The following COLEC10 variants were observed in gnomAD, a reference collection of about 807,000 sequenced individuals.
COLEC10 encodes collectin-10.
COLEC10 carries 22 observed loss-of-function variants against 28.4 expected under a neutral mutation model. That is an observed-to-expected ratio of 0.78 (90% CI 0.55 to 1.11). The LOEUF (loss-of-function observed/expected upper bound fraction) is 1.11. Ranked by LOEUF, COLEC10 falls within the 50% of genes least tolerant of loss-of-function variation. COLEC10 has a pLI of 0.00. For missense variants in COLEC10, 361 were observed against 344.1 expected (o/e 1.05, Z -0.39); for synonymous variants, 125 against 116.1 (o/e 1.08, Z -0.49).
intron 2 of COLEC10, among the ~76,000 whole-genome samples, chr8:119,056,420 T>C (rs1814762493): frequency 6.6e-6 from 1 of 152,042 alleles, no homozygotes; most frequent in South Asian, 2.1e-4. Context: ...AACTTAACTG[T>C]CTTGTTTCAT....
chr8:118,958,342 G>T, the COLEC10 span, among the ~76,000 whole-genome samples: 2 of 152,198 alleles, frequency 1.3e-5, no homozygotes, highest in Non-Finnish European at 2.9e-5. Flanking sequence ...TGTGCTTTAG[G>T]TTCTTCTCTC....
At chr8:119,088,977 G>A (rs192047693) in intron 1 of COLEC10, among the ~76,000 whole-genome samples, 7 of 152,278 alleles carry the variant, frequency 4.6e-5, no homozygotes, top group Admixed American at 6.5e-5. Context: ...TCTCCAGATA[G>A]TGAGTGGTGG....
intron 1 of COLEC10, among the ~76,000 whole-genome samples, chr8:119,079,971 T>C (rs1815337775): frequency 6.6e-6 from 1 of 152,200 alleles, no homozygotes; most frequent in African/African-American, 2.4e-5. Flanking sequence ...TTAATTTCCT[T>C]ACATATTGTG....
the COLEC10 span, among the ~76,000 whole-genome samples, chr8:118,975,329 C>G: frequency 6.6e-6 from 1 of 151,990 alleles, no homozygotes; most frequent in Non-Finnish European, 1.5e-5. Context: ...AAAGTGCAAA[C>G]TTACACAGCA....
the COLEC10 span, among the ~76,000 whole-genome samples, chr8:118,955,068 A>G: frequency 7.5e-4 from 114 of 152,240 alleles, 1 homozygote; most frequent in Non-Finnish European, 2.9e-4. Context: ...TTGAAGAACA[A>G]GAACAAATTC....
At position 119,091,220 on chromosome 8, in the gene COLEC10, G is replaced by T; in HGVS notation, c.292G>T (p.Gly98Cys). 6.2e-7 allele frequency: 1 copy of T among 1,609,798 alleles called. No individual in the cohort carries two copies. Among genetic ancestry groups the T allele is most frequent in the Non-Finnish European group, 8.5e-7 (1 of 1,176,884 alleles). The stretch of plus-strand genomic sequence containing the variant: ...CAAGACTGGGCCCATTGGGAAGAAG[G>T]GTAAGTTGCATCTTACTATTCTCCA... ...IGKTGPIGKK[G>C]DKGEKGLLGI... The change falls in exon 3 of 6, where the codon GGT (glycine) becomes TGT (cysteine). Residue 98 changes from glycine (G) to cysteine (C), a missense_variant and splice_region_variant. Around this residue, in one of 3 missense-constraint regions of COLEC10, gnomAD observed 335 missense variants for 308.5 expected, o/e 1.09. Transcript: ENST00000332843.
At chr8:119,051,275 C>T (rs1013363760) in intron 2 of COLEC10, among the ~76,000 whole-genome samples, 3 of 152,130 alleles carry the variant, frequency 2.0e-5, no homozygotes, top group Non-Finnish European at 4.4e-5. Flanking sequence ...ATTTGGATTA[C>T]AACTAACTTC....
upstream of COLEC10, among the ~76,000 whole-genome samples, chr8:118,994,459 T>G (rs1296237633): frequency 5.9e-5 from 9 of 152,238 alleles, no homozygotes; most frequent in Non-Finnish European, 1.0e-4. Flanking sequence ...ATAATACTAA[T>G]AGTGTTTACT....
At chr8:119,018,229 C>T (rs1267445333) in intron 2 of COLEC10, among the ~76,000 whole-genome samples, 1 of 152,172 alleles carries the variant, frequency 6.6e-6, no homozygotes, top group Admixed American at 6.5e-5. Context: ...TCTTTCGCCC[C>T]TAGGGTCACT....
At chr8:119,074,008 G>T (rs77455499) in intron 1 of COLEC10, among the ~76,000 whole-genome samples, 3 of 150,444 alleles carry the variant, frequency 2.0e-5, no homozygotes, top group South Asian at 2.1e-4. Context: ...ATATATATAC[G>T]TGTATATATA....
chr8:119,076,627 A>G (rs1422644579), intron 1 of COLEC10, among the ~76,000 whole-genome samples: 1 of 152,222 alleles, frequency 6.6e-6, no homozygotes, highest in Non-Finnish European at 1.5e-5. Context: ...ATAGATTTTG[A>G]AGGTCATTTA....
At chr8:118,960,769 C>T in the COLEC10 span, among the ~76,000 whole-genome samples, 1 of 104,444 alleles carries the variant, frequency 9.6e-6, no homozygotes, top group African/African-American at 3.9e-5. Flanking sequence ...CCTGGGGGAA[C>T]AGAGTGAGAC....
intron 2 of COLEC10, among the ~76,000 whole-genome samples, chr8:119,048,022 C>T (rs1381536411): frequency 6.6e-6 from 1 of 152,094 alleles, no homozygotes; most frequent in East Asian, 1.9e-4. Context: ...TTTAAATTAT[C>T]TTTTTCCAGC....
chr8:119,008,048 G>A (rs1430407049), intron 1 of COLEC10, among the ~76,000 whole-genome samples: 1 of 150,834 alleles, frequency 6.6e-6, no homozygotes, highest in Non-Finnish European at 1.5e-5. Context: ...CCATTTTACT[G>A]TTATGACATT....
At chr8:118,975,337 G>A in the COLEC10 span, among the ~76,000 whole-genome samples, 3 of 152,016 alleles carry the variant, frequency 2.0e-5, no homozygotes, top group Non-Finnish European at 2.9e-5. Context: ...AACTTACACA[G>A]CATTTCTAAA....
chr8:118,982,167 A>C, the COLEC10 span, among the ~76,000 whole-genome samples: 1 of 152,188 alleles, frequency 6.6e-6, no homozygotes, highest in African/African-American at 2.4e-5. Context: ...ATACTTACCT[A>C]TCTAATGCTT....
At chr8:118,963,900 A>G in the COLEC10 span, among the ~76,000 whole-genome samples, 1 of 152,142 alleles carries the variant, frequency 6.6e-6, no homozygotes, top group Non-Finnish European at 1.5e-5. Flanking sequence ...CTGGACATGG[A>G]GGGAGCAACG....
the COLEC10 span, among the ~76,000 whole-genome samples, chr8:118,973,996 T>C: frequency 0.61 from 92,029 of 151,500 alleles, 29,209 homozygotes; most frequent in African/African-American, 0.79. Flanking sequence ...ATTTCAGGAC[T>C]TTTGCACTGT....
intron 1 of COLEC10, among the ~76,000 whole-genome samples, chr8:119,088,238 G>T (rs982430206): frequency 3.3e-5 from 5 of 151,730 alleles, no homozygotes; most frequent in African/African-American, 1.2e-4. Context: ...AAAAGAAAGA[G>T]AAAGAAAAGA....
Sources: gnomAD v4.1 joint callset for allele counts (sites outside exome capture counted in the v4.1 genomes callset) on GRCh38, gnomAD v4.1.1 for gene constraint, gnomAD v4.1.1 regional missense constraint, MANE v1.5 for transcripts, NCBI Gene and HGNC (gene_info 2026-07-23, HGNC 2026-07-21) for gene names.